EPHA5: variants seen among roughly 807,000 people sequenced by gnomAD.
EPHA5 encodes the protein ephrin type-A receptor 5.
Under a neutral mutation model 105.0 loss-of-function variants are expected in EPHA5, and 60 were observed. The ratio of observed to expected loss-of-function variants is 0.57; its 90% CI spans 0.46 to 0.71. The LOEUF (loss-of-function observed/expected upper bound fraction) is 0.71. EPHA5 is among the 30% of genes least tolerant of loss of function. The probability of loss-of-function intolerance (pLI) is 0.00; values close to 1 mark genes in which losing one functional copy is unlikely to be tolerated. For missense variants in EPHA5, 1,218 were observed against 1,274.7 expected, an observed-to-expected ratio of 0.96 and a Z score of 0.68; for synonymous variants, 513 against 449.1, an observed-to-expected ratio of 1.14 and a Z score of -1.80.
chr4:65,561,880 T>C (rs1739050359), intron 3 of EPHA5, among the ~76,000 whole-genome samples: 1 of 152,068 alleles, frequency 6.6e-6, no homozygotes, highest in African/African-American at 2.4e-5. Context: ...TAAAAATTTC[T>C]TTGCAGCTCT....
chr4:65,498,707 G>A (rs115866523), intron 3 of EPHA5, among the ~76,000 whole-genome samples: 364 of 151,844 alleles, frequency 2.4e-3, no homozygotes, highest in African/African-American at 8.4e-3. Context: ...AAATACTGGT[G>A]CCATTTTCTC....
chr4:65,607,367 C>G (rs1744332347), intron 2 of EPHA5, among the ~76,000 whole-genome samples: 1 of 151,990 alleles, frequency 6.6e-6, no homozygotes. Context: ...GCAAAAGAAA[C>G]TATCATCGGA....
intron 5 of EPHA5, among the ~76,000 whole-genome samples, chr4:65,471,869 A>T (rs567409980): frequency 6.6e-6 from 1 of 152,250 alleles, no homozygotes; most frequent in African/African-American, 2.4e-5. Context: ...AAACCATATC[A>T]TTCCTTCCCT....
chr4:65,563,161 C>G (rs1578431250), intron 3 of EPHA5, among the ~76,000 whole-genome samples: 1 of 151,764 alleles, frequency 6.6e-6, no homozygotes, highest in East Asian at 1.9e-4. Flanking sequence ...ATACATAGTT[C>G]TGAGGAGCCA....
In EPHA5 at chr4:65,530,086, T is replaced by A. The variant is rs1346951198; in HGVS notation, c.911-34543A>T. On this transcript the variant is annotated intron_variant, in intron 3 of 16. Coordinates refer to ENST00000613740, the MANE Select transcript of EPHA5 (RefSeq NM_001281766.3). ...ATAAGTTTTGAAAATTATTATAATC[T>A]AGCTGGGGAAAATCTATCACAGATG... 8.5e-5 allele frequency among the ~76,000 whole-genome samples: 13 copies of A among 152,200 alleles called. No individual in the cohort carries two copies. The East Asian group carries it at 2.1e-3, about 25-fold the overall frequency.
intron 5 of EPHA5, among the ~76,000 whole-genome samples, chr4:65,474,209 TACTG>T (rs1484644706): frequency 6.6e-6 from 1 of 152,156 alleles, no homozygotes; most frequent in African/African-American, 2.4e-5. Context: ...AATATGAATA[TACTG>T]TAGATGACAG....
At chr4:65,375,163 C>T (rs1033934816) in intron 8 of EPHA5, among the ~76,000 whole-genome samples, 3 of 151,714 alleles carry the variant, frequency 2.0e-5, no homozygotes, top group East Asian at 1.9e-4. Flanking sequence ...GTTTCTTTGG[C>T]TTTAATTTGT....
chr4:65,589,769 A>G (rs898910608), intron 3 of EPHA5, among the ~76,000 whole-genome samples: 2 of 152,192 alleles, frequency 1.3e-5, no homozygotes, highest in African/African-American at 4.8e-5. Context: ...ATATTAAAAA[A>G]TCATCCACAG....
intron 8 of EPHA5, among the ~76,000 whole-genome samples, chr4:65,369,033 C>T (rs1011250610): frequency 1.3e-5 from 2 of 152,148 alleles, no homozygotes; most frequent in African/African-American, 4.8e-5. Context: ...TATGCTGCAG[C>T]ATAGTCATTT....
At chr4:65,452,739 A>G (rs1727188830) in intron 5 of EPHA5, among the ~76,000 whole-genome samples, 1 of 152,198 alleles carries the variant, frequency 6.6e-6, no homozygotes, top group African/African-American at 2.4e-5. Flanking sequence ...AATTTGAAAG[A>G]ACTAAAGCAG....
At chr4:65,503,908 TACACACACACACAC>T (rs34693427) in intron 3 of EPHA5, among the ~76,000 whole-genome samples, 6 of 145,356 alleles carry the variant, frequency 4.1e-5, no homozygotes, top group East Asian at 2.0e-4. Context: ...ATGTGTGTGA[TACACACACACACAC>T]ACACACACAC....
At chr4:65,377,267 T>C (rs1719106162) in intron 8 of EPHA5, among the ~76,000 whole-genome samples, 2 of 151,984 alleles carry the variant, frequency 1.3e-5, no homozygotes, top group African/African-American at 4.8e-5. Context: ...TTGTAGTAAA[T>C]TGTTATTTTT....
At chr4:65,421,994 A>T (rs1045577163) in intron 5 of EPHA5, among the ~76,000 whole-genome samples, 2 of 152,136 alleles carry the variant, frequency 1.3e-5, no homozygotes, top group African/African-American at 2.4e-5. Flanking sequence ...TTTGTGGGTA[A>T]AGACAACAAA....
chr4:65,555,142 T>C (rs921394166), intron 3 of EPHA5, among the ~76,000 whole-genome samples: 2 of 152,026 alleles, frequency 1.3e-5, no homozygotes, highest in African/African-American at 4.8e-5. Flanking sequence ...AGTGGCATTC[T>C]AAAATGCTGA....
Position 65,601,720 on chromosome 4 carries a change from G to A in EPHA5, c.831C>T (p.Ser277=), listed in dbSNP as rs377555731. The A allele has an allele frequency of 1.4e-5, 23 of 1,613,952 alleles. No homozygotes were observed. Among genetic ancestry groups the A allele is most frequent in the East Asian group, 2.2e-5 (1 of 44,868 alleles). Residue 277 remains serine, a synonymous_variant, in exon 3 of 17, where the codon AGC becomes AGT. Coordinates refer to ENST00000613740, the MANE Select transcript of EPHA5 (RefSeq NM_001281766.3). ...VTDEPPKMHC[S]AEGEWLVPIG... Reference sequence around the variant, plus strand: ...TGGGCACCAGCCACTCCCCTTCGGCGCTGCAGTGCATTTTGGGAGGTTCAT... The same window carrying A: ...TGGGCACCAGCCACTCCCCTTCGGCACTGCAGTGCATTTTGGGAGGTTCAT...
At chr4:65,552,472 A>G (rs1178048814) in intron 3 of EPHA5, among the ~76,000 whole-genome samples, 2 of 152,162 alleles carry the variant, frequency 1.3e-5, no homozygotes, top group African/African-American at 4.8e-5. Flanking sequence ...TTTGGATGGC[A>G]TTAGATTTTG....
chr4:65,476,597 A>G (rs1440545922), intron 5 of EPHA5, among the ~76,000 whole-genome samples: 8 of 152,140 alleles, frequency 5.3e-5, no homozygotes, highest in Admixed American at 5.2e-4. Flanking sequence ...GAGTGAGAGG[A>G]GGGATAAAGG....
intron 1 of EPHA5, among the ~76,000 whole-genome samples, chr4:65,659,977 A>C (rs937899222): frequency 6.6e-6 from 1 of 152,140 alleles, no homozygotes; most frequent in African/African-American, 2.4e-5. Context: ...TAAGAATCTA[A>C]TTCTTCCAAC....
chr4:65,326,597 T>C (rs189356701), intron 16 of EPHA5, among the ~76,000 whole-genome samples: 4 of 151,438 alleles, frequency 2.6e-5, no homozygotes, highest in African/African-American at 9.7e-5. Context: ...TATTCATGGG[T>C]GTTCACTAGC....
Sources: gnomAD v4.1 joint callset for allele counts (sites outside exome capture counted in the v4.1 genomes callset) on GRCh38, gnomAD v4.1.1 for gene constraint, MANE v1.5 for transcripts, NCBI Gene and HGNC (gene_info 2026-07-23, HGNC 2026-07-21) for gene names.